PCDH15: variants seen among roughly 807,000 people sequenced by gnomAD.
PCDH15 encodes protocadherin-15.
A neutral mutation model predicts 178.5 loss-of-function variants in PCDH15; 129 were observed. That is an observed-to-expected ratio of 0.72 (90% confidence interval 0.63 to 0.84). The LOEUF is 0.84. PCDH15 is among the 40% of genes least tolerant of loss of function. The pLI is 0.00. For synonymous variants in PCDH15, 800 were observed against 732.0 expected (o/e 1.09, Z -1.50); for missense variants, 2,230 against 2,099.9 (o/e 1.06, Z -1.21).
intron 1 of PCDH15, among the ~76,000 whole-genome samples, chr10:54,752,525 C>CAAAAA (rs1566128633): frequency 6.2e-5 from 4 of 64,502 alleles, no homozygotes; most frequent in Non-Finnish European, 1.7e-4. Flanking sequence ...AACAAACAAA[C>CAAAAA]AAACAAAAAA....
chr10:55,468,754 A>T (rs1424090126), intron 2 of PCDH15, among the ~76,000 whole-genome samples: 3 of 152,210 alleles, frequency 2.0e-5, no homozygotes, highest in Non-Finnish European at 2.9e-5. Context: ...TATTCAAGCC[A>T]ATTAATGTAC....
rs183026310 is a variant in PCDH15 at position 54,691,040 on chromosome 10, C to T, written c.-28-26750G>A. Reference sequence around the variant, plus strand: ...AAGTACAAAATAATTTATGACAGTACGTAGCAGAACAAAAGAGGAAAATAT... The same window carrying T: ...AAGTACAAAATAATTTATGACAGTATGTAGCAGAACAAAAGAGGAAAATAT... On this transcript the variant is annotated intron_variant, in intron 1 of 37. Transcript: ENST00000644397. Among the ~76,000 whole-genome samples, 53 of 151,936 alleles carry T rather than the reference C, an allele frequency of 3.5e-4. 1 individual carries two copies. In the South Asian group the frequency reaches 7.5e-3, roughly 21 times the overall value.
In PCDH15 at chr10:54,442,414, C is replaced by CCA. The variant is rs1554972759; in HGVS notation, c.158-63473_158-63472insTG. Among the ~76,000 whole-genome samples, 3 of 19,164 alleles carry CCA rather than the reference C, an allele frequency of 1.6e-4. 1 individual carries two copies. Among genetic ancestry groups the CCA allele is most frequent in the East Asian group, 2.3e-3 (1 of 430 alleles). 12.6% of individuals were successfully genotyped at this position (19,164 alleles called of 152,430 possible). On this transcript the variant is annotated intron_variant, in intron 3 of 37. Coordinates refer to ENST00000644397, the MANE Select transcript of PCDH15 (RefSeq NM_001384140.1). ...TTAAAAAAAAAAAAGGCCTTAAAGG[C>CCA]TATATATATATATATATATATATAT...
At chr10:55,195,508 TAGGC>T (rs1457923472) in intron 1 of PCDH15, among the ~76,000 whole-genome samples, 2 of 140,668 alleles carry the variant, frequency 1.4e-5, no homozygotes, top group East Asian at 4.2e-4. Flanking sequence ...AAAAAAAAAT[TAGGC>T]GGGCATGGTG....
intron 16 of PCDH15, among the ~76,000 whole-genome samples, chr10:54,085,625 TTAATACA>T (rs2094503154): frequency 6.6e-6 from 1 of 152,190 alleles, no homozygotes; most frequent in African/African-American, 2.4e-5. Flanking sequence ...ATATGGCCAC[TTAATACA>T]TGACACTGAA....
chr10:55,335,276 G>A (rs1425554010), intron 2 of PCDH15, among the ~76,000 whole-genome samples: 1 of 152,166 alleles, frequency 6.6e-6, no homozygotes, highest in African/African-American at 2.4e-5. Context: ...TGGAGAGCCT[G>A]AGAAGGGGGA....
intron 9 of PCDH15, among the ~76,000 whole-genome samples, chr10:54,219,094 A>C (rs1427640636): frequency 2.2e-5 from 3 of 137,402 alleles, no homozygotes; most frequent in African/African-American, 5.9e-5. Flanking sequence ...TCTACTAAAA[A>C]AAAAAAAAAA....
chr10:54,654,882 A>T (rs939098075), intron 2 of PCDH15: 2 of 152,082 alleles, frequency 1.3e-5, no homozygotes, highest in African/African-American at 4.8e-5. Context: ...TCTGAATTAG[A>T]CCTTTTCTTT....
intron 18 of PCDH15, among the ~76,000 whole-genome samples, chr10:54,062,567 G>T (rs2094052723): frequency 6.6e-6 from 1 of 151,954 alleles, no homozygotes; most frequent in Non-Finnish European, 1.5e-5. Flanking sequence ...GCCTGCCTTG[G>T]ATGTCTTCCT....
chr10:54,622,697 ATTTTCTATATATT>A (rs2093417969), intron 2 of PCDH15, among the ~76,000 whole-genome samples: 2 of 84,148 alleles, frequency 2.4e-5, no homozygotes, highest in African/African-American at 9.7e-5. Flanking sequence ...TATAATATAT[ATTTTCTATATATT>A]ATATATAATA....
intron 3 of PCDH15, among the ~76,000 whole-genome samples, chr10:54,808,057 CACA>C (rs1327012245): frequency 2.0e-5 from 3 of 151,982 alleles, no homozygotes; most frequent in Non-Finnish European, 2.9e-5. Context: ...TTATACCAGA[CACA>C]ACATTAGATG....
chr10:54,733,354 G>A (rs1943663079), intron 1 of PCDH15, among the ~76,000 whole-genome samples: 1 of 151,458 alleles, frequency 6.6e-6, no homozygotes, highest in Admixed American at 6.6e-5. Flanking sequence ...GTCAAAAACT[G>A]TAACCATACC....
intron 18 of PCDH15, among the ~76,000 whole-genome samples, chr10:54,034,030 C>A (rs959384455): frequency 6.6e-6 from 1 of 151,644 alleles, no homozygotes; most frequent in Middle Eastern, 3.2e-3. Flanking sequence ...AAAAAAAATT[C>A]TTAACTGGAA....
At chr10:54,915,394 T>C (rs1223441662) in intron 2 of PCDH15, among the ~76,000 whole-genome samples, 1 of 152,218 alleles carries the variant, frequency 6.6e-6, no homozygotes, top group African/African-American at 2.4e-5. Flanking sequence ...ATTTGGAATA[T>C]AGGAGTCCAT....
At chr10:53,991,194 C>G (rs374096048) in intron 21 of PCDH15, among the ~76,000 whole-genome samples, 1 of 152,160 alleles carries the variant, frequency 6.6e-6, no homozygotes. Flanking sequence ...CTGAGGAGAG[C>G]GGGCGCGCGG....
chr10:54,416,441 C>A (rs1168244813), intron 3 of PCDH15, among the ~76,000 whole-genome samples: 1 of 152,078 alleles, frequency 6.6e-6, no homozygotes, highest in Non-Finnish European at 1.5e-5. Context: ...CATGTCCCTG[C>A]AAAGGACATG....
intron 2 of PCDH15, among the ~76,000 whole-genome samples, chr10:54,921,697 G>A (rs1320456357): frequency 6.6e-6 from 1 of 152,122 alleles, no homozygotes. Context: ...ATTCCATAAT[G>A]TTTATGTACC....
intron 26 of PCDH15, among the ~76,000 whole-genome samples, chr10:53,889,295 A>G (rs1193971418): frequency 6.6e-6 from 1 of 152,078 alleles, no homozygotes; most frequent in Non-Finnish European, 1.5e-5. Flanking sequence ...CGATATATCC[A>G]ATACATATAT....
chr10:54,648,524 A>T (rs2094183613), intron 2 of PCDH15, among the ~76,000 whole-genome samples: 1 of 152,162 alleles, frequency 6.6e-6, no homozygotes. Flanking sequence ...TTAAAAATAA[A>T]GCTATGCAAT....
Sources: allele counts gnomAD v4.1 joint callset (sites outside exome capture counted in the v4.1 genomes callset), GRCh38; gene constraint gnomAD v4.1.1; transcripts MANE v1.5; gene names NCBI Gene and HGNC (gene_info 2026-07-23, HGNC 2026-07-21).